Variants in SPTBN4 observed in about 807,000 individuals in gnomAD.
SPTBN4 encodes the protein spectrin beta chain, non-erythrocytic 4.
SPTBN4 carries 96 observed loss-of-function variants against 277.8 expected under a neutral mutation model. The observed-to-expected ratio is 0.35, with a 90% CI of 0.29 to 0.41. The LOEUF (loss-of-function observed/expected upper bound fraction) is 0.41, where lower values mean the gene tolerates loss of function less well. Among genes scored for constraint, SPTBN4 ranks in the 10% least tolerant of loss-of-function variants. The probability of loss-of-function intolerance (pLI) is 1.00; values close to 1 mark genes in which losing one functional copy is unlikely to be tolerated. For synonymous variants in SPTBN4, 1,481 were observed against 1,580.3 expected, an observed-to-expected ratio of 0.94 and a Z score of 1.49; for missense variants, 3,006 against 3,595.7, an observed-to-expected ratio of 0.84 and a Z score of 4.19.
rs1031607687 is a variant in SPTBN4, at chr19:40,490,309, C to A, written c.495+61C>A. 9.8e-6 allele frequency: 15 copies of A among 1,530,040 alleles called. No individual in the cohort carries two copies. Among genetic ancestry groups the A allele is most frequent in the Non-Finnish European group, 1.2e-5 (14 of 1,132,124 alleles). 94.8% of individuals were successfully genotyped at this position (1,530,040 alleles called of 1,614,324 possible). A position where few individuals can be genotyped will look rare whatever the true frequency, so the allele number is the denominator to read the frequency against. ...ATGGGACTTAGGAAAGCGTTCCCCA[C>A]CATTTACCCATTCATTCTTTCCTTC... On this transcript the variant is annotated intron_variant, in intron 4 of 35. Coordinates refer to ENST00000598249, the MANE Select transcript of SPTBN4 (RefSeq NM_020971.3). The surrounding 1 kb of genome is among the most constrained non-coding windows in gnomAD (Gnocchi z 4.3).
chr19:40,572,508 G>A (rs1477451066), intron 35 of SPTBN4, 128 bp downstream of exon 35: 8 of 1,235,512 alleles, frequency 6.5e-6, no homozygotes, highest in Non-Finnish European at 9.4e-6. Context: ...GCTGTAATGG[G>A]AAAGCCCACA....
Position 40,554,241 on chromosome 19 carries a change from A to G in SPTBN4, c.4769A>G (p.Glu1590Gly). The G allele has an allele frequency of 1.3e-6, 2 of 1,524,862 alleles. No individual in the cohort carries two copies. The highest frequency in any genetic ancestry group is 1.7e-6 in the Non-Finnish European group (2 of 1,143,214). 94.5% of individuals were successfully genotyped at this position (1,524,862 alleles called of 1,614,324 possible). A position where few individuals can be genotyped will look rare whatever the true frequency, so the allele number is the denominator to read the frequency against. ...GCGTCGCTGCGCAGCCCGGAGGCAG[A>G]GGCAGTGCGCCGGGGCCTGGAGCAG... is the stretch of plus-strand genomic sequence containing the variant. ...ALASLRSPEAEAVRRGLEQLQ... is the reference protein window; with the variant it reads ...ALASLRSPEAGAVRRGLEQLQ... Residue 1590 changes from glutamate to glycine, a missense_variant, in exon 23 of 36, where the codon GAG (glutamate) becomes GGG (glycine). By Grantham distance (98) the Glu-to-Gly change is moderately conservative (BLOSUM62 -2). Transcript: ENST00000598249. This position sits in a 1 kb window ranked among gnomAD's most constrained non-coding sequence, Gnocchi z 5.7.
At chr19:40,574,043 A>G (rs1216418110) in intron 35 of SPTBN4, among the ~76,000 whole-genome samples, 1 of 152,162 alleles carries the variant, frequency 6.6e-6, no homozygotes, top group South Asian at 2.1e-4. Context: ...TGGAGCTTGC[A>G]GTGAGCTGAG....
chr19:40,534,530 T>C (rs2145901444), intron 20 of SPTBN4, 187 bp downstream of exon 20: 1 of 724,306 alleles, frequency 1.4e-6, no homozygotes, highest in Non-Finnish European at 2.2e-6. Flanking sequence ...CAGCCACCAC[T>C]CCCTAAGGTA....
At chr19:40,517,276 A>T (rs2080471206) in intron 15 of SPTBN4, among the ~76,000 whole-genome samples, 1 of 152,010 alleles carries the variant, frequency 6.6e-6, no homozygotes, top group Non-Finnish European at 1.5e-5. Context: ...TTTGACTTCA[A>T]AGACTGTGCT....
chr19:40,565,138 G>A (rs150357527), intron 27 of SPTBN4, among the ~76,000 whole-genome samples: 71 of 150,706 alleles, frequency 4.7e-4, no homozygotes, highest in South Asian at 2.3e-3. Flanking sequence ...GGTGGCAGGT[G>A]CCTGTAATCC....
chr19:40,542,350 C>G (rs2080811230), intron 20 of SPTBN4, among the ~76,000 whole-genome samples: 1 of 152,136 alleles, frequency 6.6e-6, no homozygotes, highest in Non-Finnish European at 1.5e-5. Flanking sequence ...CCCCACCTCC[C>G]AGGTCCTGGC....
At chr19:40,566,934 G>A in intron 30 of SPTBN4, 1 of 252,144 alleles carries the variant, frequency 4.0e-6, no homozygotes, top group South Asian at 3.5e-5. Flanking sequence ...CACTGCCTGG[G>A]TAACAGAACA....
intron 5 of SPTBN4, among the ~76,000 whole-genome samples, chr19:40,494,056 AG>A: frequency 6.6e-6 from 1 of 152,226 alleles, no homozygotes; most frequent in Middle Eastern, 3.4e-3. Flanking sequence ...TCTACTGGGA[AG>A]GTTCCCTTTG....
At position 40,567,784 on chromosome 19, in the gene SPTBN4, A is replaced by C; in HGVS notation, c.6458A>C (p.Tyr2153Ser). 2 of 1,521,490 alleles carry C rather than the reference A, an allele frequency of 1.3e-6. No homozygotes were observed. Among genetic ancestry groups the C allele is most frequent in the Non-Finnish European group, 1.8e-6 (2 of 1,134,080 alleles). 94.2% of individuals were successfully genotyped at this position (1,521,490 alleles called of 1,614,324 possible). ...KAAPLLRPGG[Y>S]ERGLEPLARR... ...GCGCCCCTGCTGCGGCCAGGGGGCT[A>C]TGAAAGGGGCTTGGAGCCCCTGGCC... The change falls in exon 31 of 36, where the codon TAT becomes TCT. Residue 2153 changes from tyrosine to serine, a missense_variant. By Grantham distance (144) the Tyr-to-Ser change is moderately radical (BLOSUM62 -2). Coordinates refer to ENST00000598249, the MANE Select transcript of SPTBN4 (RefSeq NM_020971.3).
rs1003624635 is a variant in SPTBN4, at chr19:40,519,977, C to A, written c.3480C>A (p.Asp1160Glu). The A allele has an allele frequency of 5.8e-6, 9 of 1,541,566 alleles. No homozygotes were observed. Among genetic ancestry groups the A allele is most frequent in the South Asian group, 2.5e-5 (2 of 81,590 alleles). The change falls in exon 16 of 36, where the codon GAC becomes GAA. Residue 1160 changes from aspartate (D) to glutamate (E), a missense_variant. Physicochemically the swap from Asp to Glu is conservative, Grantham distance 45 (BLOSUM62 2). Transcript: ENST00000598249. This position sits in a 1 kb window ranked among gnomAD's most constrained non-coding sequence, Gnocchi z 5.7. ...VAASEALLAA[D>E]GAELGPGLAL... ...CCAGCGAGGCGCTGCTGGCCGCCGA[C>A]GGCGCAGAGCTGGGCCCGGGCCTGG...
chr19:40,541,892 C>G (rs563360701), intron 20 of SPTBN4, among the ~76,000 whole-genome samples: 1 of 151,980 alleles, frequency 6.6e-6, no homozygotes, highest in South Asian at 2.1e-4. Context: ...GCACCCGCCA[C>G]CATGCCTGGC....
chr19:40,536,444 C>T (rs1478817542), intron 20 of SPTBN4, among the ~76,000 whole-genome samples: 1 of 152,084 alleles, frequency 6.6e-6, no homozygotes, highest in African/African-American at 2.4e-5. Flanking sequence ...GAACTCCTGA[C>T]CACAGGTGAT....
intron 27 of SPTBN4, among the ~76,000 whole-genome samples, chr19:40,561,978 G>A (rs975494290): frequency 7.9e-5 from 12 of 152,176 alleles, no homozygotes; most frequent in Non-Finnish European, 1.8e-4. Context: ...AGTTTTGAGG[G>A]AAGAGTTTTC....
chr19:40,482,737 G>A (rs544724735), intron 2 of SPTBN4, among the ~76,000 whole-genome samples: 71 of 152,202 alleles, frequency 4.7e-4, no homozygotes, highest in African/African-American at 1.4e-3. Context: ...TGAGGCGGGC[G>A]GATCACCTGA....
At chr19:40,503,511 G>A (rs2080286771) in intron 11 of SPTBN4, among the ~76,000 whole-genome samples, 2 of 151,550 alleles carry the variant, frequency 1.3e-5, no homozygotes, top group Non-Finnish European at 1.5e-5. Flanking sequence ...CTGGTCTCCA[G>A]GACAACAGGG....
chr19:40,508,338 G>C (rs960616289), intron 13 of SPTBN4, among the ~76,000 whole-genome samples: 1 of 152,224 alleles, frequency 6.6e-6, no homozygotes, highest in African/African-American at 2.4e-5. Context: ...AACGAAGTTG[G>C]GTTTGGTGGC....
At position 40,534,718 on chromosome 19, in the gene SPTBN4, A is replaced by G. The variant is rs190359941; in HGVS notation, c.4359+375A>G. 135 of 232,652 alleles carry G rather than the reference A, an allele frequency of 5.8e-4. 1 individual carries two copies. The highest frequency in any genetic ancestry group is 2.9e-3 in the African/African-American group (132 of 45,204). The allele number at this position is 232,652 out of a possible 1,614,324, so 14.4% of individuals were successfully genotyped here. On this transcript the variant is annotated intron_variant, in intron 20 of 35. Transcript: ENST00000598249. ...GACATTCATTGAGCATTTCTCTACC[A>G]GTCTCTGGGCCAAGCACTCACTGAA... is the stretch of plus-strand genomic sequence containing the variant.
At chr19:40,556,588 A>ATGG (rs1255713121) in intron 25 of SPTBN4, among the ~76,000 whole-genome samples, 4 of 151,436 alleles carry the variant, frequency 2.6e-5, no homozygotes, top group Non-Finnish European at 4.4e-5. Context: ...ATTTTTTATG[A>ATGG]TGATGATGAT....
Sources: gnomAD v4.1 joint callset for allele counts (sites outside exome capture counted in the v4.1 genomes callset) on GRCh38, gnomAD v4.1.1 for gene constraint, Gnocchi (gnomAD v3.1) non-coding constraint, MANE v1.5 for transcripts, NCBI Gene and HGNC (gene_info 2026-07-23, HGNC 2026-07-21) for gene names.